ANXA2: variants seen among roughly 807,000 people sequenced by gnomAD.
The protein encoded by ANXA2 is annexin A2, also known as annexin II.
In ANXA2, 28 loss-of-function variants were observed where a neutral mutation model predicts 47.3. The ratio of observed to expected loss-of-function variants is 0.59; its 90% CI spans 0.44 to 0.81. The LOEUF (loss-of-function observed/expected upper bound fraction) is 0.81. ANXA2 is among the 40% of genes least tolerant of loss of function. The pLI is 0.00. For synonymous variants in ANXA2, 172 were observed against 155.5 expected (o/e 1.11, Z -0.79); for missense variants, 384 against 414.3 (o/e 0.93, Z 0.64).
rs745354211 is a variant in ANXA2, at chr15:60,364,501, G to C, written c.171C>G (p.Val57=). The change falls in exon 4 of 13, where the codon GTC becomes GTG. Residue 57 remains valine (V), a synonymous_variant. Coordinates refer to ENST00000451270, the MANE Select transcript of ANXA2 (RefSeq NM_004039.3). The stretch of plus-strand genomic sequence containing the variant: ...CATTGCTGCGGTTGGTCAAAATGTT[G>C]ACAATGGTGACCTCATCCACACCTA... The part of the protein sequence containing the change: ...KTKGVDEVTI[V]NILTNRSNAQ... 2 of 1,613,122 alleles carry C rather than the reference G, an allele frequency of 1.2e-6. No individual in the cohort carries two copies. The highest frequency in any genetic ancestry group is 2.2e-5 in the South Asian group (2 of 90,844).
At chr15:60,387,136 T>G (rs1466983037) in intron 1 of ANXA2, 1 of 152,226 alleles carries the variant, frequency 6.6e-6, no homozygotes, top group African/African-American at 2.4e-5. Context: ...CATTTTGGAC[T>G]AAGCAGATCC....
intron 3 of ANXA2, among the ~76,000 whole-genome samples, chr15:60,376,014 C>G (rs550384551): frequency 6.6e-6 from 1 of 152,024 alleles, no homozygotes; most frequent in African/African-American, 2.4e-5. Flanking sequence ...TGTAGAGGGC[C>G]GTGAACAGAG....
chr15:60,351,620 T>C (rs1023693011), intron 10 of ANXA2, 104 bp downstream of exon 10: 22 of 776,992 alleles, frequency 2.8e-5, no homozygotes, highest in Non-Finnish European at 4.5e-5. Flanking sequence ...AAAGCATGCA[T>C]AGAAGCCACA....
At chr15:60,354,364 G>A (rs1010181598) in intron 7 of ANXA2, 151 bp from the exon 8 acceptor site, 23 of 694,264 alleles carry the variant, frequency 3.3e-5, no homozygotes, top group Middle Eastern at 3.2e-4. Context: ...AGATGGGGCC[G>A]GGCACGGTGG....
chr15:60,397,799 G>A, intron 1 of ANXA2, 144 bp downstream of exon 1: 2 of 1,225,576 alleles, frequency 1.6e-6, no homozygotes, highest in East Asian at 3.5e-5. Context: ...CTCCAGTGCC[G>A]GCCGTCCCTT....
intron 1 of ANXA2, 53 bp downstream of exon 1, chr15:60,397,890 A>G (rs12904657): frequency 0.74 from 1,007,239 of 1,360,166 alleles, 374,329 homozygotes; most frequent in East Asian, 0.94. Context: ...CAGCGTCTCC[A>G]CACCCCGCTA....
rs1165800090 is a variant in ANXA2 at position 60,351,198 on chromosome 15, T to C, written c.832A>G (p.Met278Val). ...TCTCAGCCAGCTGCCCTTACCTTCA[T>C]GGAGTCATACAGCCGATCAGCAAAA... ...LYFADRLYDS[M>V]KGKGTRDKVL... The change falls in exon 11 of 13, where the codon ATG (methionine) becomes GTG (valine). Residue 278 changes from methionine to valine, a missense_variant. By Grantham distance (21) the Met-to-Val change is conservative. Coordinates refer to ENST00000451270, the MANE Select transcript of ANXA2 (RefSeq NM_004039.3). 10 of 1,614,018 alleles carry C rather than the reference T, an allele frequency of 6.2e-6. No individual in the cohort carries two copies. Among genetic ancestry groups the C allele is most frequent in the Non-Finnish European group, 6.8e-6 (8 of 1,180,022 alleles).
Position 60,347,408 on chromosome 15 carries a change from C to A in ANXA2, c.*222G>T. 1 of 594,298 alleles carries A rather than the reference C, an allele frequency of 1.7e-6. No individual in the cohort carries two copies. Among genetic ancestry groups the A allele is most frequent in the East Asian group, 2.8e-5 (1 of 36,042 alleles). The allele number at this position is 594,298 out of a possible 1,614,324, so 36.8% of individuals were successfully genotyped here. On this transcript the variant is annotated 3_prime_UTR_variant, in exon 13 of 13. Transcript: ENST00000451270. ...GAGGCAAAGTGTTTCACATCATAGACTTCACTTCCAACTCCTTGGAATGTT... is the reference window on the plus strand; with the variant it reads ...GAGGCAAAGTGTTTCACATCATAGAATTCACTTCCAACTCCTTGGAATGTT...
At position 60,347,553 on chromosome 15, in the gene ANXA2, T is replaced by G; in HGVS notation, c.*77A>C. On this transcript the variant is annotated 3_prime_UTR_variant, in exon 13 of 13. Transcript: ENST00000451270. ...CAGGGATGGCCACGGGGACTGTTAT[T>G]CGCAAGCTGGTTTTCTAGACCTGTT... 2 of 1,472,702 alleles carry G rather than the reference T, an allele frequency of 1.4e-6. No homozygotes were observed. The highest frequency in any genetic ancestry group is 1.9e-6 in the Non-Finnish European group (2 of 1,053,216). The allele number at this position is 1,472,702 out of a possible 1,614,324, so 91.2% of individuals were successfully genotyped here. A position where few individuals can be genotyped will look rare whatever the true frequency, so the allele number is the denominator to read the frequency against.
chr15:60,360,921 G>A lies in ANXA2; in HGVS notation c.357+20C>T, dbSNP rs1247793917. 7.0e-7 allele frequency: 1 copy of A among 1,432,408 alleles called. No homozygotes were observed. The highest frequency in any genetic ancestry group is 9.8e-7 in the Non-Finnish European group (1 of 1,015,432). 88.7% of individuals were successfully genotyped at this position (1,432,408 alleles called of 1,614,324 possible). A position where few individuals can be genotyped will look rare whatever the true frequency, so the allele number is the denominator to read the frequency against. The stretch of plus-strand genomic sequence containing the variant: ...AATTAATAGCAGATTTGACAGAGAT[G>A]ACATCTCACATGCATTTACCTTCAT... On this transcript the variant is annotated intron_variant, in intron 5 of 12. Transcript: ENST00000451270.
In ANXA2 at chr15:60,397,346, A is replaced by G. The variant is rs541321566; in HGVS notation, c.-12+597T>C. On this transcript the variant is annotated intron_variant, in intron 1 of 12. Coordinates refer to ENST00000451270, the MANE Select transcript of ANXA2 (RefSeq NM_004039.3). The stretch of plus-strand genomic sequence containing the variant: ...GCTATGCTACAAGATAACCTAGAGC[A>G]AGGGGAATAACTGACGTTTTAATGT... The G allele has an allele frequency of 3.1e-5, 31 of 985,264 alleles. No individual in the cohort carries two copies. The South Asian group carries it at 8.5e-4, about 27-fold the overall frequency. 61.0% of individuals were successfully genotyped at this position (985,264 alleles called of 1,614,324 possible). A position where few individuals can be genotyped will look rare whatever the true frequency, so the allele number is the denominator to read the frequency against.
intron 1 of ANXA2, among the ~76,000 whole-genome samples, chr15:60,396,601 C>A (rs1434723636): frequency 6.6e-6 from 1 of 152,226 alleles, no homozygotes; most frequent in East Asian, 1.9e-4. Context: ...CACCTCCCCA[C>A]CACCAATCCC....
At chr15:60,368,087 C>CT (rs1330890751) in intron 3 of ANXA2, among the ~76,000 whole-genome samples, 2 of 137,566 alleles carry the variant, frequency 1.5e-5, no homozygotes, top group African/African-American at 5.5e-5. Flanking sequence ...GCAAGATGTG[C>CT]TTTGTTAAAC....
rs1448493904 is a variant in ANXA2 at position 60,364,481 on chromosome 15, C to A, written c.191G>T (p.Ser64Ile). The A allele has an allele frequency of 1.9e-6, 3 of 1,613,306 alleles. No individual in the cohort carries two copies. In the Admixed American group the frequency reaches 5.0e-5, roughly 27 times the overall value. ...GGCAATATCCTGTCTCTGTGCATTG[C>A]TGCGGTTGGTCAAAATGTTGACAAT... ...VTIVNILTNR[S>I]NAQRQDIAFA... The change falls in exon 4 of 13, where the codon AGC becomes ATC. Residue 64 changes from serine (S) to isoleucine (I), a missense_variant. By Grantham distance (142) the Ser-to-Ile change is moderately radical. Transcript: ENST00000451270.
chr15:60,397,338 C>G, intron 1 of ANXA2: 1 of 985,642 alleles, frequency 1.0e-6, no homozygotes, highest in Non-Finnish European at 1.2e-6. Context: ...TACAAGATAA[C>G]CTAGAGCAAG....
intron 3 of ANXA2, among the ~76,000 whole-genome samples, chr15:60,379,856 CA>C (rs2062831068): frequency 6.6e-6 from 1 of 152,200 alleles, no homozygotes; most frequent in Non-Finnish European, 1.5e-5. Context: ...CTACTAACTC[CA>C]AAAGGCCTGA....
At chr15:60,376,667 G>C (rs1283642502) in intron 3 of ANXA2, among the ~76,000 whole-genome samples, 4 of 152,202 alleles carry the variant, frequency 2.6e-5, no homozygotes, top group Non-Finnish European at 4.4e-5. Context: ...CTCACACCAA[G>C]AAGAGCAGGT....
intron 3 of ANXA2, among the ~76,000 whole-genome samples, chr15:60,377,924 C>T (rs1474299775): frequency 1.3e-5 from 2 of 152,028 alleles, no homozygotes; most frequent in East Asian, 1.9e-4. Context: ...CCTGTCTCTA[C>T]TAAAAATACA....
intron 3 of ANXA2, among the ~76,000 whole-genome samples, chr15:60,376,275 G>A (rs558890565): frequency 3.3e-5 from 5 of 152,074 alleles, no homozygotes; most frequent in Non-Finnish European, 7.4e-5. Context: ...CCAGCTACTC[G>A]GGAGGCTGAG....
Sources: allele counts gnomAD v4.1 joint callset (sites outside exome capture counted in the v4.1 genomes callset), GRCh38; gene constraint gnomAD v4.1.1; transcripts MANE v1.5; gene names NCBI Gene and HGNC (gene_info 2026-07-23, HGNC 2026-07-21).